The following PSMD11 variants were observed in gnomAD, a reference collection of about 807,000 sequenced individuals.
PSMD11 encodes the protein 26S proteasome non-ATPase regulatory subunit 11.
In PSMD11, 5 loss-of-function variants were observed where a neutral mutation model predicts 62.3. That is an observed-to-expected ratio of 0.08 (90% confidence interval 0.04 to 0.17). The LOEUF is 0.17. Among genes scored for constraint, PSMD11 ranks in the 10% least tolerant of loss-of-function variants. The pLI is 1.00. For synonymous variants in PSMD11, 191 were observed against 191.8 expected, an observed-to-expected ratio of 1.00 and a Z score of 0.03; for missense variants, 310 against 512.9, an observed-to-expected ratio of 0.60 and a Z score of 3.82.
chr17:32,468,706 G>A (rs550110003), intron 5 of PSMD11, among the ~76,000 whole-genome samples: 21 of 152,282 alleles, frequency 1.4e-4, no homozygotes, highest in African/African-American at 4.6e-4. Context: ...ACTAGATTTA[G>A]CATTTTATAG....
In PSMD11 at chr17:32,474,851, G is replaced by A. The variant is rs148315125; in HGVS notation, c.849+27G>A. On this transcript the variant is annotated intron_variant, in intron 8 of 13. Coordinates refer to ENST00000261712, the MANE Select transcript of PSMD11 (RefSeq NM_002815.4). ...TAGGGACTCCCTTGACTGCAGTTCTGCTCACTCTGAGACCAGCATGTTTTC... is the reference window on the plus strand; with the variant it reads ...TAGGGACTCCCTTGACTGCAGTTCTACTCACTCTGAGACCAGCATGTTTTC... The A allele has an allele frequency of 1.8e-4, 286 of 1,601,296 alleles. No individual in the cohort carries two copies. In the African/African-American group the frequency reaches 3.5e-3, roughly 20 times the overall value.
At chr17:32,458,412 A>G (rs909421787) in intron 3 of PSMD11, among the ~76,000 whole-genome samples, 1 of 152,202 alleles carries the variant, frequency 6.6e-6, no homozygotes, top group African/African-American at 2.4e-5. Flanking sequence ...ACAAGCCTGT[A>G]TAACCCTCAT....
chr17:32,474,921 A>G, intron 8 of PSMD11, 97 bp downstream of exon 8: 1 of 1,075,754 alleles, frequency 9.3e-7, no homozygotes, highest in Non-Finnish European at 1.4e-6. Context: ...AGATCTTCAT[A>G]CTACTCTCTT....
At chr17:32,461,897 A>C (rs1398753308) in intron 3 of PSMD11, among the ~76,000 whole-genome samples, 1 of 152,144 alleles carries the variant, frequency 6.6e-6, no homozygotes, top group Non-Finnish European at 1.5e-5. Context: ...TTAGAGTTGG[A>C]GATTAGGTAG....
At chr17:32,454,426 G>C in intron 2 of PSMD11, 69 bp from the exon 3 acceptor site, 1 of 1,553,506 alleles carries the variant, frequency 6.4e-7, no homozygotes, top group Non-Finnish European at 8.8e-7. Context: ...CGTTGGGTCA[G>C]TTTCTTAAGT....
intron 9 of PSMD11, among the ~76,000 whole-genome samples, chr17:32,478,418 G>A (rs1567859204): frequency 6.6e-6 from 1 of 152,140 alleles, no homozygotes; most frequent in South Asian, 2.1e-4. Context: ...AGGCTGGGAT[G>A]TTGAGACCAT....
intron 6 of PSMD11, among the ~76,000 whole-genome samples, chr17:32,470,161 C>T (rs1298506914): frequency 2.6e-5 from 4 of 151,786 alleles, no homozygotes; most frequent in South Asian, 2.1e-4. Flanking sequence ...TACAGGAGCG[C>T]GACACCATGC....
chr17:32,474,815 A>C lies in PSMD11; in HGVS notation c.840A>C (p.Ala280=), dbSNP rs773325023. ...LVSGKLALRY[A]GRQTEALKCV... is the part of the protein sequence containing the mutation. ...GCGGGAAGCTTGCACTTCGGTATGC[A>C]GGGAGGCAGGTAGGGACTCCCTTGA... The change falls in exon 8 of 14, where the codon GCA becomes GCC. Residue 280 remains alanine, a synonymous_variant. Coordinates refer to ENST00000261712, the MANE Select transcript of PSMD11 (RefSeq NM_002815.4). The C allele has an allele frequency of 1.2e-6, 2 of 1,614,058 alleles. 1 individual carries two copies. Among genetic ancestry groups the C allele is most frequent in the South Asian group, 2.2e-5 (2 of 91,078 alleles).
At position 32,454,477 on chromosome 17, in the gene PSMD11, G is replaced by C. The variant is rs369694838; in HGVS notation, c.194-18G>C. On this transcript the variant is annotated intron_variant, in intron 2 of 13. Transcript: ENST00000261712. ...AATGTTGATGTTTACTCCTCTTTTT[G>C]AATTGCCTTTCCTACAGAGCTTGGA... 1 of 1,605,494 alleles carries C rather than the reference G, an allele frequency of 6.2e-7. No homozygotes were observed. Among genetic ancestry groups the C allele is most frequent in the Admixed American group, 1.7e-5 (1 of 57,622 alleles).
intron 5 of PSMD11, among the ~76,000 whole-genome samples, chr17:32,466,648 C>G (rs538216219): frequency 5.1e-4 from 78 of 152,270 alleles, no homozygotes; most frequent in African/African-American, 1.7e-3. Context: ...ACATGTTCTT[C>G]TGGGTATATA....
rs558157773 is a variant in PSMD11 at position 32,454,586 on chromosome 17, G to A, written c.285G>A (p.Leu95=). 1.2e-6 allele frequency: 2 copies of A among 1,613,962 alleles called. No homozygotes were observed. The highest frequency in any genetic ancestry group is 2.2e-5 in the East Asian group (1 of 44,880). ...AARLVRSLLD[L]FLDMEAATGQ... ...GCCTGGTCCGATCTCTTCTTGATCT[G>A]TTTCTTGATATGGAAGCAGCTACAG... The change falls in exon 3 of 14, where the codon CTG becomes CTA. Residue 95 remains leucine (L), a synonymous_variant. Coordinates refer to ENST00000261712, the MANE Select transcript of PSMD11 (RefSeq NM_002815.4).
intron 6 of PSMD11, among the ~76,000 whole-genome samples, chr17:32,473,389 TC>T: frequency 6.6e-6 from 1 of 151,634 alleles, no homozygotes; most frequent in East Asian, 1.9e-4. Flanking sequence ...TGATTCTCCT[TC>T]CTCAGCCTCC....
intron 1 of PSMD11, chr17:32,444,915 C>T (rs2150826705): frequency 2.1e-6 from 1 of 468,492 alleles, no homozygotes; most frequent in South Asian, 2.5e-5. Flanking sequence ...GCCATGTCCC[C>T]GGCTCTGGCC....
chr17:32,474,080 A>C, intron 7 of PSMD11, 135 bp downstream of exon 7: 6 of 1,068,620 alleles, frequency 5.6e-6, no homozygotes, highest in Non-Finnish European at 8.1e-6. Context: ...GGGCTGGCTA[A>C]GGTAGAGCGG....
At chr17:32,461,881 T>C (rs1597835853) in intron 3 of PSMD11, among the ~76,000 whole-genome samples, 1 of 152,262 alleles carries the variant, frequency 6.6e-6, no homozygotes, top group East Asian at 1.9e-4. Context: ...ATGAGGTCAG[T>C]TGAGTTTAGA....
chr17:32,465,830 C>T (rs1168545062), intron 5 of PSMD11, among the ~76,000 whole-genome samples: 2 of 152,052 alleles, frequency 1.3e-5, no homozygotes, highest in South Asian at 2.1e-4. Flanking sequence ...AAAAAATTTG[C>T]AGGACATGGT....
At position 32,444,923 on chromosome 17, in the gene PSMD11, G is replaced by C. The variant is rs576284108; in HGVS notation, c.91+309G>C. ...CTCCCTAGCCATGTCCCCGGCTCTG[G>C]CCCGCACGAGCTGGTCTGGGACCCG... On this transcript the variant is annotated intron_variant, in intron 1 of 13. Coordinates refer to ENST00000261712, the MANE Select transcript of PSMD11 (RefSeq NM_002815.4). 4 of 455,228 alleles carry C rather than the reference G, an allele frequency of 8.8e-6. No homozygotes were observed. The South Asian group carries it at 1.0e-4, about 12-fold the overall frequency. The allele number at this position is 455,228 out of a possible 1,614,324, so 28.2% of individuals were successfully genotyped here. A position where few individuals can be genotyped will look rare whatever the true frequency, so the allele number is the denominator to read the frequency against.
intron 3 of PSMD11, among the ~76,000 whole-genome samples, chr17:32,457,801 C>CT (rs11402492): frequency 0.17 from 23,863 of 143,826 alleles, 2,405 homozygotes; most frequent in African/African-American, 0.28. Flanking sequence ...CTCTCTCTCT[C>CT]TTTTTTTTTT....
At chr17:32,458,972 G>A (rs1907728629) in intron 3 of PSMD11, among the ~76,000 whole-genome samples, 1 of 151,382 alleles carries the variant, frequency 6.6e-6, no homozygotes, top group Non-Finnish European at 1.5e-5. Context: ...GTGCATGCCT[G>A]TAATCCCAGG....
Sources: gnomAD v4.1 joint callset for allele counts (sites outside exome capture counted in the v4.1 genomes callset) on GRCh38, gnomAD v4.1.1 for gene constraint, MANE v1.5 for transcripts, NCBI Gene and HGNC (gene_info 2026-07-23, HGNC 2026-07-21) for gene names.